MTCH2: variants seen among roughly 807,000 people sequenced by gnomAD.
MTCH2 encodes the protein mitochondrial carrier homolog 2.
In MTCH2, 25 loss-of-function variants were observed where a neutral mutation model predicts 50.6. The observed-to-expected ratio is 0.49, with a 90% CI of 0.36 to 0.69. MTCH2 has a LOEUF of 0.69. Ranked by LOEUF, MTCH2 falls within the 30% of genes least tolerant of loss-of-function variation. The probability of loss-of-function intolerance (pLI) is 0.00; values close to 1 mark genes in which losing one functional copy is unlikely to be tolerated. For missense variants in MTCH2, 273 were observed against 384.4 expected, an observed-to-expected ratio of 0.71 and a Z score of 2.42; for synonymous variants, 106 against 132.0, an observed-to-expected ratio of 0.80 and a Z score of 1.35.
At position 47,628,874 on chromosome 11, in the gene MTCH2, G is replaced by A. The variant is rs970618905; in HGVS notation, c.633+79C>T. 55 of 1,318,384 alleles carry A rather than the reference G, an allele frequency of 4.2e-5. 1 individual carries two copies. The highest frequency in any genetic ancestry group is 2.2e-4 in the Middle Eastern group (1 of 4,464). The allele number at this position is 1,318,384 out of a possible 1,614,324, so 81.7% of individuals were successfully genotyped here. ...ATTACAGGTGTGAGCCACCTCGCCC[G>A]GCCCATCTTACTTTAAAAGCTAATC... is the stretch of plus-strand genomic sequence containing the variant. On this transcript the variant is annotated intron_variant, in intron 9 of 12. Transcript: ENST00000302503.
chr11:47,624,524 G>A (rs1220601316), intron 11 of MTCH2, among the ~76,000 whole-genome samples: 3 of 152,098 alleles, frequency 2.0e-5, no homozygotes, highest in Non-Finnish European at 1.5e-5. Flanking sequence ...ATGTTGGCTG[G>A]GCATGGTGGC....
At chr11:47,629,829 A>T (rs2097301394) in intron 8 of MTCH2, among the ~76,000 whole-genome samples, 1 of 151,916 alleles carries the variant, frequency 6.6e-6, no homozygotes, top group African/African-American at 2.4e-5. Context: ...GTAGTAGTCT[A>T]AGTTCTTCCA....
At chr11:47,629,669 G>A (rs954895918) in intron 8 of MTCH2, among the ~76,000 whole-genome samples, 3 of 151,684 alleles carry the variant, frequency 2.0e-5, no homozygotes, top group South Asian at 2.1e-4. Context: ...AATCTCTAAA[G>A]TGATACTAAT....
downstream of MTCH2, among the ~76,000 whole-genome samples, chr11:47,613,624 T>A (rs537878690): frequency 6.6e-6 from 1 of 152,334 alleles, no homozygotes; most frequent in African/African-American, 2.4e-5. Context: ...ATCATAATAG[T>A]CTAGAAAAGT....
chr11:47,627,392 G>C (rs899315479), intron 9 of MTCH2, among the ~76,000 whole-genome samples: 2 of 151,242 alleles, frequency 1.3e-5, no homozygotes, highest in African/African-American at 4.9e-5. Context: ...CTGGGCTCAA[G>C]AGATCCTCCC....
At chr11:47,622,602 C>G in intron 12 of MTCH2, 99 bp downstream of exon 12, 1 of 935,864 alleles carries the variant, frequency 1.1e-6, no homozygotes, top group South Asian at 1.7e-5. Context: ...CTAAAGTGAG[C>G]TACAAGAGTT....
rs773289740 is a variant in MTCH2, at chr11:47,631,747, C to G, written c.370-36G>C. On this transcript the variant is annotated intron_variant, in intron 5 of 12. Transcript: ENST00000302503. ...TCAACACACACTTCTGAAATCTAAA[C>G]AAATGACACTCAAATGCCTGTGAGA... 6 of 1,610,022 alleles carry G rather than the reference C, an allele frequency of 3.7e-6. No homozygotes were observed. The African/African-American group carries it at 6.7e-5, about 18-fold the overall frequency.
intron 9 of MTCH2, 24 bp from the exon 10 acceptor site, chr11:47,627,151 A>G: frequency 1.3e-6 from 2 of 1,499,118 alleles, no homozygotes; most frequent in Non-Finnish European, 9.2e-7. Flanking sequence ...AGAGCCTTAA[A>G]TTAATTACCT....
chr11:47,631,433 A>AC (rs1475734903), intron 6 of MTCH2, among the ~76,000 whole-genome samples: 8 of 152,176 alleles, frequency 5.3e-5, no homozygotes, highest in African/African-American at 1.2e-4. Context: ...AAACAAACAA[A>AC]AAAAAACTAT....
chr11:47,632,679 T>A (rs1270115810), intron 5 of MTCH2, among the ~76,000 whole-genome samples: 1 of 150,340 alleles, frequency 6.7e-6, no homozygotes, highest in African/African-American at 2.5e-5. Context: ...TTAAACAGTA[T>A]CTTTATGGTC....
chr11:47,609,544 T>C, the MTCH2 span, among the ~76,000 whole-genome samples: 3 of 146,372 alleles, frequency 2.0e-5, no homozygotes, highest in Non-Finnish European at 4.5e-5. Flanking sequence ...GGAGAATCAC[T>C]TGAACCCGGG....
At chr11:47,631,131 A>G (rs2097302629) in intron 6 of MTCH2, 44 bp from the exon 7 acceptor site, 2 of 1,544,200 alleles carry the variant, frequency 1.3e-6, no homozygotes, top group East Asian at 4.5e-5. Flanking sequence ...TGTTAAGGCC[A>G]GGTGCGGTGG....
downstream of MTCH2, among the ~76,000 whole-genome samples, chr11:47,614,146 C>T (rs2097287032): frequency 6.6e-6 from 1 of 152,008 alleles, no homozygotes; most frequent in African/African-American, 2.4e-5. Flanking sequence ...CATTTTATAG[C>T]CTCCACGAAA....
Position 47,629,053 on chromosome 11 carries a change from G to C in MTCH2, c.540-7C>G, listed in dbSNP as rs1330611424. ...AAGGCGAGGAACAAGACCCCTACAT[G>C]AAGAAACAATAAAAATAAGAACCAA... On this transcript the variant is annotated splice_polypyrimidine_tract_variant and splice_region_variant and intron_variant, in intron 8 of 12. Transcript: ENST00000302503. 6.2e-7 allele frequency: 1 copy of C among 1,609,456 alleles called. No homozygotes were observed. The highest frequency in any genetic ancestry group is 1.1e-5 in the South Asian group (1 of 90,602).
intron 5 of MTCH2, among the ~76,000 whole-genome samples, chr11:47,634,345 G>C (rs903151499): frequency 6.6e-6 from 1 of 152,120 alleles, no homozygotes; most frequent in African/African-American, 2.4e-5. Flanking sequence ...CTCCCAAAGT[G>C]CTGGGATTAC....
intron 5 of MTCH2, among the ~76,000 whole-genome samples, chr11:47,633,516 ATATATATATATTTT>A (rs1212641443): frequency 1.1e-4 from 2 of 17,758 alleles, no homozygotes; most frequent in East Asian, 3.3e-3. Flanking sequence ...ATATATATAT[ATATATATATATTTT>A]TTTTTTTTTT....
intron 4 of MTCH2, 34 bp from the exon 5 acceptor site, chr11:47,634,768 GAT>G: frequency 2.7e-6 from 2 of 751,680 alleles, no homozygotes; most frequent in Non-Finnish European, 4.0e-6. Context: ...TAGAGATCTT[GAT>G]TTTTTTTTTT....
intron 3 of MTCH2, among the ~76,000 whole-genome samples, chr11:47,637,817 C>T (rs1451562365): frequency 6.6e-6 from 1 of 152,106 alleles, no homozygotes; most frequent in Non-Finnish European, 1.5e-5. Flanking sequence ...GTATTTTGGC[C>T]AAATTCCAGG....
chr11:47,639,027 T>G lies in MTCH2; in HGVS notation c.112A>C (p.Thr38Pro). The change falls in exon 2 of 13, where the codon ACA becomes CCA. Residue 38 changes from threonine (T) to proline (P), a missense_variant. Around this residue, in one of 2 missense-constraint regions of MTCH2, gnomAD observed 203 missense variants for 244.3 expected, o/e 0.83. Coordinates refer to ENST00000302503, the MANE Select transcript of MTCH2 (RefSeq NM_014342.4). Reference sequence around the variant, plus strand: ...CGCCCAAAAATATTTCGTCCTATTGTTGGAGGAAGAGGCTCATATCCCACC... The same window carrying G: ...CGCCCAAAAATATTTCGTCCTATTGGTGGAGGAAGAGGCTCATATCCCACC... ...IQVGYEPLPP[T>P]IGRNIFGRQV... is the part of the protein sequence containing the mutation. 6.2e-7 allele frequency: 1 copy of G among 1,613,546 alleles called. No individual in the cohort carries two copies.
Sources: allele counts gnomAD v4.1 joint callset (sites outside exome capture counted in the v4.1 genomes callset), GRCh38; gene constraint gnomAD v4.1.1; regional missense constraint gnomAD v4.1.1; transcripts MANE v1.5; gene names NCBI Gene and HGNC (gene_info 2026-07-23, HGNC 2026-07-21).